The following AUTS2 variants were observed in gnomAD, a reference collection of about 807,000 sequenced individuals.
AUTS2 encodes activator of transcription and developmental regulator AUTS2.
A neutral mutation model predicts 112.4 loss-of-function variants in AUTS2; 17 were observed. That is an observed-to-expected ratio of 0.15 (90% confidence interval 0.10 to 0.23). The LOEUF is 0.23. AUTS2 is among the 10% of genes least tolerant of loss of function. The pLI is 1.00. For missense variants in AUTS2, 1,510 were observed against 1,701.6 expected, an observed-to-expected ratio of 0.89 and a Z score of 1.98; for synonymous variants, 751 against 702.7, an observed-to-expected ratio of 1.07 and a Z score of -1.09.
At chr7:70,113,385 A>G (rs1275099743) in intron 2 of AUTS2, among the ~76,000 whole-genome samples, 2 of 152,164 alleles carry the variant, frequency 1.3e-5, no homozygotes, top group African/African-American at 2.4e-5. Flanking sequence ...CCAATCCATG[A>G]TACTTTCCCA....
chr7:69,962,031 GCCC>G (rs1797451183), intron 2 of AUTS2, among the ~76,000 whole-genome samples: 1 of 152,124 alleles, frequency 6.6e-6, no homozygotes, highest in African/African-American at 2.4e-5. Context: ...GTTTTTGCTT[GCCC>G]TGATGATACG....
rs571614599 is a variant in AUTS2 at position 70,070,661 on chromosome 7, C to T, written c.523-47471C>T. 3.3e-5 allele frequency among the ~76,000 whole-genome samples: 5 copies of T among 152,100 alleles called. No homozygotes were observed. The South Asian group carries it at 6.2e-4, about 19-fold the overall frequency. On this transcript the variant is annotated intron_variant, in intron 2 of 18. Transcript: ENST00000342771. ...AGGGTGGATCATGAGGTCAAGAGAT[C>T]GAGACCATCCATGGCTAACACGGTG...
intron 5 of AUTS2, among the ~76,000 whole-genome samples, chr7:70,683,140 A>G (rs1308630189): frequency 6.6e-6 from 1 of 152,242 alleles, no homozygotes; most frequent in Admixed American, 6.5e-5. Context: ...CACAATGGTT[A>G]ATGATATATT....
At chr7:69,964,785 C>G (rs1191896524) in intron 2 of AUTS2, among the ~76,000 whole-genome samples, 1 of 151,634 alleles carries the variant, frequency 6.6e-6, no homozygotes, top group South Asian at 2.1e-4. Context: ...TTTTTGCTAT[C>G]ATGTCTCTAA....
At chr7:70,170,566 T>C (rs1808621370) in intron 4 of AUTS2, among the ~76,000 whole-genome samples, 1 of 151,662 alleles carries the variant, frequency 6.6e-6, no homozygotes, top group Non-Finnish European at 1.5e-5. Flanking sequence ...CCAAGCTCTT[T>C]GAGATGGGAT....
At chr7:70,326,079 TAG>T (rs1790472938) in intron 4 of AUTS2, among the ~76,000 whole-genome samples, 1 of 152,166 alleles carries the variant, frequency 6.6e-6, no homozygotes, top group African/African-American at 2.4e-5. Context: ...AGGTTGAGCC[TAG>T]AGAGGCAATC....
intron 6 of AUTS2, among the ~76,000 whole-genome samples, chr7:70,741,074 A>G (rs1417056489): frequency 6.6e-6 from 1 of 151,930 alleles, no homozygotes; most frequent in Non-Finnish European, 1.5e-5. Flanking sequence ...AGCCTGGGTG[A>G]CAGAGCGAGA....
chr7:70,511,390 C>A (rs887805633), intron 5 of AUTS2, among the ~76,000 whole-genome samples: 9 of 149,298 alleles, frequency 6.0e-5, no homozygotes, highest in South Asian at 2.1e-4. Flanking sequence ...TTTGGCCCTA[C>A]CTCTCTTATT....
At chr7:70,122,725 A>C (rs1317955706) in intron 3 of AUTS2, among the ~76,000 whole-genome samples, 2 of 152,218 alleles carry the variant, frequency 1.3e-5, no homozygotes, top group Non-Finnish European at 2.9e-5. Flanking sequence ...AAAGGAAAGA[A>C]AGAAAAATGA....
At chr7:70,479,881 A>T (rs1797722602) in intron 5 of AUTS2, among the ~76,000 whole-genome samples, 1 of 152,232 alleles carries the variant, frequency 6.6e-6, no homozygotes. Flanking sequence ...AGAGTGTGAA[A>T]GGTAAGTGCA....
At chr7:70,314,191 A>C (rs1475590594) in intron 4 of AUTS2, among the ~76,000 whole-genome samples, 2 of 152,012 alleles carry the variant, frequency 1.3e-5, no homozygotes, top group Non-Finnish European at 2.9e-5. Flanking sequence ...CTGCCATCTC[A>C]TTCTGACATT....
chr7:70,481,219 C>T (rs913638911), intron 5 of AUTS2, among the ~76,000 whole-genome samples: 2 of 152,152 alleles, frequency 1.3e-5, no homozygotes, highest in Non-Finnish European at 2.9e-5. Flanking sequence ...TGTCAGATTG[C>T]AGGTTTGCTT....
At chr7:70,627,329 T>A (rs1805004788) in intron 5 of AUTS2, among the ~76,000 whole-genome samples, 1 of 152,258 alleles carries the variant, frequency 6.6e-6, no homozygotes, top group South Asian at 2.1e-4. Flanking sequence ...GTTTTACCCA[T>A]TTTTAATGGG....
At chr7:70,548,793 T>A (rs62455789) in intron 5 of AUTS2, among the ~76,000 whole-genome samples, 24,059 of 152,064 alleles carry the variant, frequency 0.16, 2,137 homozygotes, top group East Asian at 0.18. Flanking sequence ...GCTGTCTTGA[T>A]TACTATAGCT....
chr7:70,540,023 T>C (rs191886089), intron 5 of AUTS2, among the ~76,000 whole-genome samples: 1 of 152,336 alleles, frequency 6.6e-6, no homozygotes, highest in Admixed American at 6.5e-5. Flanking sequence ...TGTTGAAGGT[T>C]TCTTTCTCCC....
At chr7:70,288,940 G>C (rs968348495) in intron 4 of AUTS2, among the ~76,000 whole-genome samples, 1 of 152,146 alleles carries the variant, frequency 6.6e-6, no homozygotes, top group African/African-American at 2.4e-5. Flanking sequence ...AATGCAACCC[G>C]TAGGGCATAC....
chr7:70,419,944 G>A (rs1047060756), intron 4 of AUTS2, among the ~76,000 whole-genome samples: 23 of 152,114 alleles, frequency 1.5e-4, no homozygotes, highest in African/African-American at 5.1e-4. Context: ...TTGAAAGGAA[G>A]GATGAGTCTC....
intron 1 of AUTS2, among the ~76,000 whole-genome samples, chr7:69,606,826 A>G (rs1792747358): frequency 6.6e-6 from 1 of 152,220 alleles, no homozygotes; most frequent in Admixed American, 6.5e-5. Context: ...TCTCTTATAT[A>G]ATCAGAACCT....
At chr7:70,353,311 T>C (rs1791849725) in intron 4 of AUTS2, among the ~76,000 whole-genome samples, 1 of 152,264 alleles carries the variant, frequency 6.6e-6, no homozygotes, top group Non-Finnish European at 1.5e-5. Flanking sequence ...GCATGAAAAA[T>C]TTGAAATTAA....
Sources: allele counts gnomAD v4.1 joint callset (sites outside exome capture counted in the v4.1 genomes callset), GRCh38; gene constraint gnomAD v4.1.1; transcripts MANE v1.5; gene names NCBI Gene and HGNC (gene_info 2026-07-23, HGNC 2026-07-21).